Variants in PMFBP1 observed in about 807,000 individuals in gnomAD.
The protein encoded by PMFBP1 is polyamine modulated factor 1 binding protein 1, also known as polyamine-modulated factor 1-binding protein 1.
In PMFBP1, 131 loss-of-function variants were observed where a neutral mutation model predicts 137.8. The ratio of observed to expected loss-of-function variants is 0.95; its 90% CI spans 0.82 to 1.10. The LOEUF is 1.10. Among genes scored for constraint, PMFBP1 ranks in the 50% least tolerant of loss-of-function variants. The probability of loss-of-function intolerance (pLI) is 0.00; values close to 1 mark genes in which losing one functional copy is unlikely to be tolerated. For missense variants in PMFBP1, 1,199 were observed against 1,175.4 expected (o/e 1.02, Z -0.29); for synonymous variants, 490 against 450.4 (o/e 1.09, Z -1.11).
At chr16:72,130,471 A>C in intron 11 of PMFBP1, 62 bp downstream of exon 11, 2 of 1,607,186 alleles carry the variant, frequency 1.2e-6, no homozygotes, top group Non-Finnish European at 1.7e-6. Context: ...CTGCCCACAG[A>C]GGGCCCGGCT....
At chr16:72,211,922 G>C in the PMFBP1 span, among the ~76,000 whole-genome samples, 6 of 152,240 alleles carry the variant, frequency 3.9e-5, no homozygotes, top group Admixed American at 2.0e-4. Flanking sequence ...GCTTGAGCCT[G>C]GGAGGCAGAG....
intron 14 of PMFBP1, 116 bp downstream of exon 14, chr16:72,128,541 C>T (rs772369817): frequency 4.0e-5 from 63 of 1,589,712 alleles, no homozygotes; most frequent in East Asian, 1.1e-4. Context: ...GCCCAGGATC[C>T]GCAGTTGGCT....
the PMFBP1 span, among the ~76,000 whole-genome samples, chr16:72,226,898 T>C: frequency 6.6e-6 from 1 of 152,244 alleles, no homozygotes; most frequent in African/African-American, 2.4e-5. Flanking sequence ...TTAGCGAAGA[T>C]GAGATGAGAA....
chr16:72,195,702 A>T, the PMFBP1 span, among the ~76,000 whole-genome samples: 1 of 152,220 alleles, frequency 6.6e-6, no homozygotes. Flanking sequence ...TGATCTTGTT[A>T]TACAGTTTGA....
the PMFBP1 span, among the ~76,000 whole-genome samples, chr16:72,181,880 A>G: frequency 6.6e-6 from 1 of 152,232 alleles, no homozygotes. Context: ...GGGGTGTCCA[A>G]TCTTTTGGCT....
At chr16:72,170,097 A>G (rs2043199932) in intron 2 of PMFBP1, among the ~76,000 whole-genome samples, 1 of 152,126 alleles carries the variant, frequency 6.6e-6, no homozygotes, top group Admixed American at 6.6e-5. Flanking sequence ...CCATGAGAGT[A>G]GAGATCTTTG....
rs920830653 is a variant in PMFBP1, at chr16:72,125,372, G to T, written c.2287C>A (p.Gln763Lys). Residue 763 changes from glutamine (Q) to lysine (K), a missense_variant, in exon 16 of 21, where the codon CAG becomes AAG. Coordinates refer to ENST00000237353, the MANE Select transcript of PMFBP1 (RefSeq NM_031293.3). ...TCTTGGGTCTGTGTCAAGCTTTGCTGCAGGCTCTTTGTCTCTGAGGTCACG... is the reference window on the plus strand; with the variant it reads ...TCTTGGGTCTGTGTCAAGCTTTGCTTCAGGCTCTTTGTCTCTGAGGTCACG... ...NHVTSETKSL[Q>K]QSLTQTQEKK... 1 of 1,613,050 alleles carries T rather than the reference G, an allele frequency of 6.2e-7. No individual in the cohort carries two copies. The highest frequency in any genetic ancestry group is 1.3e-5 in the African/African-American group (1 of 74,722).
the PMFBP1 span, among the ~76,000 whole-genome samples, chr16:72,182,479 G>C: frequency 3.3e-5 from 4 of 122,234 alleles, no homozygotes; most frequent in East Asian, 1.0e-3. Flanking sequence ...CTGAGCAACA[G>C]AGTGAAACTC....
chr16:72,172,511 T>A (rs1412290842), upstream of PMFBP1: 2 of 150,050 alleles, frequency 1.3e-5, no homozygotes, highest in Admixed American at 6.7e-5. Flanking sequence ...CACCTACTGG[T>A]TCTTAAAGCG....
chr16:72,140,352 T>C, intron 6 of PMFBP1, 60 bp downstream of exon 6: 1 of 1,491,802 alleles, frequency 6.7e-7, no homozygotes, highest in African/African-American at 1.4e-5. Context: ...TCCCCTCCTT[T>C]CTCTCCCCAT....
intron 15 of PMFBP1, among the ~76,000 whole-genome samples, chr16:72,125,641 A>T (rs1368514305): frequency 6.6e-6 from 1 of 152,110 alleles, no homozygotes; most frequent in East Asian, 1.9e-4. Flanking sequence ...CCATGAATTG[A>T]TGGGCCAGCC....
At chr16:72,168,905 G>A (rs527774511) in intron 2 of PMFBP1, among the ~76,000 whole-genome samples, 1 of 152,066 alleles carries the variant, frequency 6.6e-6, no homozygotes, top group Admixed American at 6.5e-5. Context: ...AAAAAGCATG[G>A]TATCTCAAAC....
chr16:72,169,954 G>A (rs118022541), intron 2 of PMFBP1, among the ~76,000 whole-genome samples: 1,727 of 152,190 alleles, frequency 0.011, 14 homozygotes, highest in Middle Eastern at 0.017. Flanking sequence ...TACAGACTAG[G>A]ATACATATGA....
rs371823857 is a variant in PMFBP1, at chr16:72,167,444, C to T, written c.13-2528G>A. On this transcript the variant is annotated intron_variant, in intron 2 of 20. Coordinates refer to ENST00000237353, the MANE Select transcript of PMFBP1 (RefSeq NM_031293.3). The stretch of plus-strand genomic sequence containing the variant: ...AAAAATAACAGTGGATGTCAACTGC[C>T]CCAAGCATGTAATTACCATTAAGAC... Among the ~76,000 whole-genome samples, 32 of 152,216 alleles carry T rather than the reference C, an allele frequency of 2.1e-4. 2 individuals carry two copies. The highest frequency in any genetic ancestry group is 1.0e-3 in the Admixed American group (16 of 15,282).
chr16:72,217,778 G>C, the PMFBP1 span, among the ~76,000 whole-genome samples: 1 of 152,098 alleles, frequency 6.6e-6, no homozygotes. Flanking sequence ...GCTTGAACTC[G>C]GGAGGTGGAG....
At chr16:72,120,688 T>G (rs2042365251) in intron 19 of PMFBP1, among the ~76,000 whole-genome samples, 1 of 152,198 alleles carries the variant, frequency 6.6e-6, no homozygotes, top group Admixed American at 6.5e-5. Context: ...TCCCCGTGGC[T>G]CAATAAATAG....
chr16:72,148,495 T>C (rs1027448268), intron 5 of PMFBP1, among the ~76,000 whole-genome samples: 1 of 152,142 alleles, frequency 6.6e-6, no homozygotes, highest in Non-Finnish European at 1.5e-5. Context: ...GTTGTGCACA[T>C]GTACCCCAGA....
chr16:72,246,293 C>G, the PMFBP1 span, among the ~76,000 whole-genome samples: 1 of 152,294 alleles, frequency 6.6e-6, no homozygotes, highest in Admixed American at 6.5e-5. Flanking sequence ...CTCAAGTTGA[C>G]AAGTGGTAGT....
At chr16:72,131,285 G>A (rs1462306658) in intron 10 of PMFBP1, among the ~76,000 whole-genome samples, 2 of 152,312 alleles carry the variant, frequency 1.3e-5, no homozygotes, top group East Asian at 3.9e-4. Flanking sequence ...AAGGGAAGTG[G>A]GGAGGAATGG....
Sources: gnomAD v4.1 joint callset for allele counts (sites outside exome capture counted in the v4.1 genomes callset) on GRCh38, gnomAD v4.1.1 for gene constraint, MANE v1.5 for transcripts, NCBI Gene and HGNC (gene_info 2026-07-23, HGNC 2026-07-21) for gene names.